The following USO1 variants were observed in gnomAD, a reference collection of about 807,000 sequenced individuals.
USO1 encodes the protein general vesicular transport factor p115.
Under a neutral mutation model 124.5 loss-of-function variants are expected in USO1, and 57 were observed. The ratio of observed to expected loss-of-function variants is 0.46; its 90% CI spans 0.37 to 0.57. USO1 has a LOEUF of 0.57. Ranked by LOEUF, USO1 falls within the 20% of genes least tolerant of loss-of-function variation. The probability of loss-of-function intolerance (pLI) is 0.00; values close to 1 mark genes in which losing one functional copy is unlikely to be tolerated. For synonymous variants in USO1, 369 were observed against 362.8 expected, an observed-to-expected ratio of 1.02 and a Z score of -0.19; for missense variants, 900 against 1,040.6, an observed-to-expected ratio of 0.86 and a Z score of 1.86.
chr4:75,788,478 A>G (rs528964821), intron 10 of USO1, among the ~76,000 whole-genome samples: 1 of 151,448 alleles, frequency 6.6e-6, no homozygotes, highest in African/African-American at 2.4e-5. Flanking sequence ...TGGATCACAT[A>G]TCTTTTTCCT....
intron 10 of USO1, among the ~76,000 whole-genome samples, chr4:75,789,015 T>C (rs1722451690): frequency 6.6e-6 from 1 of 152,188 alleles, no homozygotes; most frequent in Non-Finnish European, 1.5e-5. Context: ...CCAGTGTTGC[T>C]ATTAGGAAGT....
intron 1 of USO1, 118 bp downstream of exon 1, chr4:75,725,003 CG>C: frequency 7.5e-6 from 8 of 1,062,956 alleles, no homozygotes; most frequent in South Asian, 1.5e-5. Flanking sequence ...ATCCACATGC[CG>C]CCTCCCCCTT....
rs997798305 is a variant in USO1 at position 75,802,736 on chromosome 4, C to CTTTTTTTTTTTT, written c.1987-1384_1987-1373dup. 1.4e-3 allele frequency among the ~76,000 whole-genome samples: 92 copies of CTTTTTTTTTTTT among 63,728 alleles called. 1 individual carries two copies. Among genetic ancestry groups the CTTTTTTTTTTTT allele is most frequent in the African/African-American group, 3.4e-3 (52 of 15,154 alleles). 41.8% of individuals were successfully genotyped at this position (63,728 alleles called of 152,430 possible). On this transcript the variant is annotated intron_variant, in intron 17 of 23. Transcript: ENST00000514213. ...TGCTTTCCATTTTTCTTTTTCTTTT[C>CTTTTTTTTTTTT]TTTTTTTTTTTTTTTTTTTTTTTTT...
At chr4:75,794,019 A>G in intron 13 of USO1, 118 bp downstream of exon 13, 2 of 1,413,948 alleles carry the variant, frequency 1.4e-6, no homozygotes, top group Admixed American at 5.3e-5. Flanking sequence ...TCTGTTTATT[A>G]GTTCATCATA....
At chr4:75,743,713 G>A (rs1057437922) in intron 1 of USO1, among the ~76,000 whole-genome samples, 8 of 152,160 alleles carry the variant, frequency 5.3e-5, no homozygotes, top group East Asian at 3.9e-4. Flanking sequence ...TTTCATCATA[G>A]GCCAGTAAAT....
chr4:75,739,730 A>G lies in USO1; in HGVS notation c.67-12643A>G, dbSNP rs556234635. On this transcript the variant is annotated intron_variant, in intron 1 of 23. Transcript: ENST00000514213. ...CTCAGCTAGTTTTTGTATTTTTAGT[A>G]GAGACAGGGTTTCACCATGTTGGCC... is the stretch of plus-strand genomic sequence containing the variant. Among the ~76,000 whole-genome samples, 43 of 151,640 alleles carry G rather than the reference A, an allele frequency of 2.8e-4. No homozygotes were observed. The East Asian group carries it at 7.0e-3, about 25-fold the overall frequency.
intron 1 of USO1, among the ~76,000 whole-genome samples, chr4:75,745,726 C>A (rs896635933): frequency 2.6e-4 from 39 of 151,916 alleles, no homozygotes; most frequent in Non-Finnish European, 4.6e-4. Flanking sequence ...AGGGTGAAAC[C>A]CCGTTTCTAC....
intron 1 of USO1, among the ~76,000 whole-genome samples, chr4:75,727,815 A>G (rs1055447979): frequency 6.6e-6 from 1 of 151,984 alleles, no homozygotes; most frequent in African/African-American, 2.4e-5. Context: ...TGTCTGAATT[A>G]GACCTGTTAT....
chr4:75,756,214 G>C (rs113406833), intron 3 of USO1, among the ~76,000 whole-genome samples: 16 of 150,288 alleles, frequency 1.1e-4, no homozygotes, highest in African/African-American at 3.7e-4. Flanking sequence ...AGAAGAGGAA[G>C]TCAGAGTGTA....
intron 20 of USO1, 127 bp from the exon 21 acceptor site, chr4:75,808,826 A>C: frequency 9.2e-7 from 1 of 1,091,426 alleles, no homozygotes; most frequent in Admixed American, 3.4e-5. Flanking sequence ...ATTCAAGAAT[A>C]GTTCTTTAGA....
chr4:75,737,665 C>T (rs1720833323), intron 1 of USO1, among the ~76,000 whole-genome samples: 1 of 152,068 alleles, frequency 6.6e-6, no homozygotes, highest in Non-Finnish European at 1.5e-5. Context: ...CACTGCACTC[C>T]AGCCTGTACA....
intron 1 of USO1, chr4:75,730,103 G>T: frequency 4.5e-6 from 1 of 222,680 alleles, no homozygotes; most frequent in Non-Finnish European, 9.4e-6. Flanking sequence ...CTGTAATAAT[G>T]ATTTGTGTTT....
chr4:75,758,741 A>G (rs1721512822), intron 4 of USO1, among the ~76,000 whole-genome samples: 2 of 152,104 alleles, frequency 1.3e-5, no homozygotes, highest in South Asian at 4.1e-4. Flanking sequence ...TTTTTAAACA[A>G]ATTTCTCCAT....
intron 17 of USO1, among the ~76,000 whole-genome samples, chr4:75,802,660 A>T (rs1406110069): frequency 6.6e-6 from 1 of 151,884 alleles, no homozygotes; most frequent in Non-Finnish European, 1.5e-5. Context: ...ATGGAAAGCA[A>T]TATTAAGTAG....
At chr4:75,801,045 T>A in intron 16 of USO1, 34 bp from the exon 17 acceptor site, 1 of 1,485,898 alleles carries the variant, frequency 6.7e-7, no homozygotes, top group Non-Finnish European at 9.0e-7. Flanking sequence ...TTTAAAACAT[T>A]TAAAACAAAT....
intron 1 of USO1, among the ~76,000 whole-genome samples, chr4:75,744,635 G>A (rs1383348038): frequency 6.6e-6 from 1 of 152,134 alleles, no homozygotes; most frequent in Non-Finnish European, 1.5e-5. Flanking sequence ...GGGCAGGCTG[G>A]TCTTGAACTC....
intron 8 of USO1, 122 bp from the exon 9 acceptor site, chr4:75,782,554 ACTGT>A (rs1337790934): frequency 5.5e-6 from 7 of 1,281,044 alleles, no homozygotes; most frequent in Non-Finnish European, 7.2e-6. Context: ...GTCAGAGCAG[ACTGT>A]CTATCTGCCT....
intron 18 of USO1, 54 bp downstream of exon 18, chr4:75,804,326 G>C (rs1378471407): frequency 3.2e-6 from 5 of 1,550,910 alleles, no homozygotes; most frequent in Non-Finnish European, 2.6e-6. Context: ...CTTTCCTCAA[G>C]AGCTAGACAA....
intron 9 of USO1, among the ~76,000 whole-genome samples, chr4:75,785,193 A>G (rs1043141636): frequency 6.6e-6 from 1 of 152,236 alleles, no homozygotes; most frequent in Non-Finnish European, 1.5e-5. Context: ...CTGTTGGGAC[A>G]TACACATTCT....
Sources: gnomAD v4.1 joint callset for allele counts (sites outside exome capture counted in the v4.1 genomes callset) on GRCh38, gnomAD v4.1.1 for gene constraint, MANE v1.5 for transcripts, NCBI Gene and HGNC (gene_info 2026-07-23, HGNC 2026-07-21) for gene names.